Variants in CNNM2 observed in about 807,000 individuals in gnomAD.
CNNM2 encodes the protein metal transporter CNNM2.
In CNNM2, 12 loss-of-function variants were observed where a neutral mutation model predicts 66.9. That is an observed-to-expected ratio of 0.18 (90% CI 0.11 to 0.29). The LOEUF (loss-of-function observed/expected upper bound fraction) is 0.29, where lower values mean the gene tolerates loss of function less well. Ranked by LOEUF, CNNM2 falls within the 10% of genes least tolerant of loss-of-function variation. CNNM2 has a pLI of 1.00. For missense variants in CNNM2, 705 were observed against 1,167.7 expected (o/e 0.60, Z 5.77); for synonymous variants, 557 against 501.8 (o/e 1.11, Z -1.47).
intron 1 of CNNM2, among the ~76,000 whole-genome samples, chr10:102,969,422 C>T (rs751601252): frequency 6.6e-6 from 1 of 151,066 alleles, no homozygotes; most frequent in Non-Finnish European, 1.5e-5. Flanking sequence ...CCATGTTGGC[C>T]AGGCTGGTCT....
rs1324700029 is a variant in CNNM2, at chr10:103,081,946, G to C, written c.*4766G>C. On this transcript the variant is annotated 3_prime_UTR_variant, in exon 8 of 8. Transcript: ENST00000369878. Reference sequence around the variant, plus strand: ...CAGCTCAAGTAAGCACGTTCTCTCTGTATGCTAGAGCTACTGACATCATCT... The same window carrying C: ...CAGCTCAAGTAAGCACGTTCTCTCTCTATGCTAGAGCTACTGACATCATCT... 2 of 152,182 alleles carry C rather than the reference G, an allele frequency of 1.3e-5. No homozygotes were observed. The highest frequency in any genetic ancestry group is 6.5e-5 in the Admixed American group (1 of 15,276). The allele number at this position is 152,182 out of a possible 1,614,324, so 9.4% of individuals were successfully genotyped here.
In CNNM2 at chr10:103,081,287, G is replaced by A. The variant is rs1372860785; in HGVS notation, c.*4107G>A. ...AGGTTAGGGTCCAGAAGGCCTCTGAGGTGCCATTGCTTACTTCCTTACTGA... is the reference window on the plus strand; with the variant it reads ...AGGTTAGGGTCCAGAAGGCCTCTGAAGTGCCATTGCTTACTTCCTTACTGA... On this transcript the variant is annotated 3_prime_UTR_variant, in exon 8 of 8. Transcript: ENST00000369878. 6.6e-6 allele frequency: 1 copy of A among 152,358 alleles called. No homozygotes were observed. Among genetic ancestry groups the A allele is most frequent in the Non-Finnish European group, 1.5e-5 (1 of 68,146 alleles). 9.4% of individuals were successfully genotyped at this position (152,358 alleles called of 1,614,324 possible).
intron 1 of CNNM2, among the ~76,000 whole-genome samples, chr10:103,037,053 C>T (rs1402517201): frequency 6.6e-6 from 1 of 152,106 alleles, no homozygotes; most frequent in Non-Finnish European, 1.5e-5. Flanking sequence ...GCAAAATCCA[C>T]AGGATCTTCC....
intron 1 of CNNM2, among the ~76,000 whole-genome samples, chr10:102,957,070 G>A (rs1360628830): frequency 6.6e-6 from 1 of 152,168 alleles, no homozygotes; most frequent in Non-Finnish European, 1.5e-5. Context: ...GGGAGGCTGA[G>A]GCAGGCAGAT....
At chr10:103,015,489 A>G (rs961390829) in intron 1 of CNNM2, among the ~76,000 whole-genome samples, 1 of 152,112 alleles carries the variant, frequency 6.6e-6, no homozygotes, top group Non-Finnish European at 1.5e-5. Context: ...AAATTATTGG[A>G]AACTCATGTA....
At chr10:103,007,921 C>T (rs985126118) in intron 1 of CNNM2, among the ~76,000 whole-genome samples, 4 of 152,120 alleles carry the variant, frequency 2.6e-5, no homozygotes, top group East Asian at 1.9e-4. Flanking sequence ...GATATATGTC[C>T]GTATTAAAAT....
intron 1 of CNNM2, among the ~76,000 whole-genome samples, chr10:102,968,575 G>C (rs545885271): frequency 6.6e-6 from 1 of 151,446 alleles, no homozygotes; most frequent in South Asian, 2.1e-4. Context: ...CACTTGGCAT[G>C]TGAGTTATAA....
chr10:103,074,240 A>T lies in CNNM2; in HGVS notation c.2234-1846A>T, dbSNP rs1038504034. On this transcript the variant is annotated intron_variant, in intron 6 of 7. Coordinates refer to ENST00000369878, the MANE Select transcript of CNNM2 (RefSeq NM_017649.5). ...GAGGTGGAGGTTGCAGTGGGCCAAGATCGCACCACTGCATTCCAGCCTGGG... is the reference window on the plus strand; with the variant it reads ...GAGGTGGAGGTTGCAGTGGGCCAAGTTCGCACCACTGCATTCCAGCCTGGG... Among the ~76,000 whole-genome samples the T allele has an allele frequency of 1.1e-3, 167 of 152,244 alleles. 1 individual carries two copies. Among genetic ancestry groups the T allele is most frequent in the Non-Finnish European group, 1.6e-4 (11 of 68,020 alleles).
chr10:102,999,589 T>C (rs1170738781), intron 1 of CNNM2, among the ~76,000 whole-genome samples: 3 of 152,120 alleles, frequency 2.0e-5, no homozygotes, highest in African/African-American at 4.8e-5. Context: ...ATTTTTAAAA[T>C]GGCAATGCTT....
rs1170100698 is a variant in CNNM2 at position 103,076,956 on chromosome 10, A to G, written c.2419-15A>G. 2 of 1,612,124 alleles carry G rather than the reference A, an allele frequency of 1.2e-6. No individual in the cohort carries two copies. The highest frequency in any genetic ancestry group is 1.7e-6 in the Non-Finnish European group (2 of 1,178,896). ...ATTATCTTGGTTTGTTTTCTGTGCCATCTTCTGGCCCCAGATCTCAAGACA... is the reference window on the plus strand; with the variant it reads ...ATTATCTTGGTTTGTTTTCTGTGCCGTCTTCTGGCCCCAGATCTCAAGACA... On this transcript the variant is annotated splice_polypyrimidine_tract_variant and intron_variant, in intron 7 of 7. Coordinates refer to ENST00000369878, the MANE Select transcript of CNNM2 (RefSeq NM_017649.5).
At chr10:103,004,877 G>T (rs905793892) in intron 1 of CNNM2, among the ~76,000 whole-genome samples, 1 of 152,208 alleles carries the variant, frequency 6.6e-6, no homozygotes, top group Non-Finnish European at 1.5e-5. Flanking sequence ...CTGGATTTTT[G>T]ATTTGGATTG....
chr10:102,948,215 G>C (rs1257171473), intron 1 of CNNM2, among the ~76,000 whole-genome samples: 1 of 152,166 alleles, frequency 6.6e-6, no homozygotes, highest in Non-Finnish European at 1.5e-5. Context: ...CTGACAGTTT[G>C]GTGGGGGAGA....
Position 103,079,632 on chromosome 10 carries a change from T to C in CNNM2, c.*2452T>C, listed in dbSNP as rs1283670181. Reference sequence around the variant, plus strand: ...GCTCGGTGTGATGGCTTCTTGCAAATTATTCTCTTATAAAAGAGCTCGGCA... The same window carrying C: ...GCTCGGTGTGATGGCTTCTTGCAAACTATTCTCTTATAAAAGAGCTCGGCA... On this transcript the variant is annotated 3_prime_UTR_variant, in exon 8 of 8. Transcript: ENST00000369878. 2 of 152,174 alleles carry C rather than the reference T, an allele frequency of 1.3e-5. No homozygotes were observed. 9.4% of individuals were successfully genotyped at this position (152,174 alleles called of 1,614,324 possible). A position where few individuals can be genotyped will look rare whatever the true frequency, so the allele number is the denominator to read the frequency against.
At position 102,919,242 on chromosome 10, in the gene CNNM2, C is replaced by G. The variant is rs1185345774; in HGVS notation, c.762C>G (p.Pro254=). 6.2e-7 allele frequency: 1 copy of G among 1,613,524 alleles called. No individual in the cohort carries two copies. Among genetic ancestry groups the G allele is most frequent in the Non-Finnish European group, 8.5e-7 (1 of 1,180,028 alleles). The part of the protein sequence containing the change: ...IVGEEKKFLL[P]FWLQVIFISL... ...GCGAAGAGAAGAAGTTCCTGCTGCC[C>G]TTCTGGCTGCAGGTGATCTTCATTT... The change falls in exon 1 of 8, where the codon CCC becomes CCG. Residue 254 remains proline, a synonymous_variant. Transcript: ENST00000369878.
intron 1 of CNNM2, among the ~76,000 whole-genome samples, chr10:102,972,296 T>C (rs1354656969): frequency 5.9e-5 from 9 of 152,134 alleles, no homozygotes; most frequent in African/African-American, 2.2e-4. Flanking sequence ...AGATAAAATG[T>C]GGGGTCCAAA....
At chr10:102,927,475 G>A (rs2134162239) in intron 1 of CNNM2, 1 of 1,595,254 alleles carries the variant, frequency 6.3e-7, no homozygotes, top group Non-Finnish European at 8.5e-7. Flanking sequence ...AGGGGTGGCA[G>A]TTGGCTGGGC....
At chr10:103,019,237 C>A (rs1011427939) in intron 1 of CNNM2, among the ~76,000 whole-genome samples, 1 of 150,422 alleles carries the variant, frequency 6.6e-6, no homozygotes, top group African/African-American at 2.5e-5. Flanking sequence ...CCACTGCACT[C>A]CAGCCTGGGC....
intron 1 of CNNM2, among the ~76,000 whole-genome samples, chr10:102,986,565 G>A (rs955009855): frequency 1.3e-5 from 2 of 151,944 alleles, no homozygotes; most frequent in Admixed American, 6.6e-5. Flanking sequence ...GGCGGATCAC[G>A]AGGTCAAGAG....
In CNNM2 at chr10:102,918,444, G is replaced by C; in HGVS notation, c.-37G>C. The C allele has an allele frequency of 1.3e-6, 2 of 1,586,668 alleles. No individual in the cohort carries two copies. Among genetic ancestry groups the C allele is most frequent in the Non-Finnish European group, 1.7e-6 (2 of 1,171,336 alleles). The stretch of plus-strand genomic sequence containing the variant: ...CCGGTACCTGCGCTCGCGCCGCCGG[G>C]TTGAAAGGATGAAGCCGCAGCTGGA... On this transcript the variant is annotated 5_prime_UTR_variant, in exon 1 of 8. Transcript: ENST00000369878. This position sits in a 1 kb window ranked among gnomAD's most constrained non-coding sequence, Gnocchi z 4.1.
Sources: gnomAD v4.1 joint callset for allele counts (sites outside exome capture counted in the v4.1 genomes callset) on GRCh38, gnomAD v4.1.1 for gene constraint, Gnocchi (gnomAD v3.1) non-coding constraint, MANE v1.5 for transcripts, NCBI Gene and HGNC (gene_info 2026-07-23, HGNC 2026-07-21) for gene names.